Variants in HECW1 observed in about 807,000 individuals in gnomAD.
The protein encoded by HECW1 is HECT, C2 and WW domain containing E3 ubiquitin protein ligase 1, also known as E3 ubiquitin-protein ligase HECW1.
Under a neutral mutation model 182.3 loss-of-function variants are expected in HECW1, and 61 were observed. The observed-to-expected ratio is 0.33, with a 90% CI of 0.27 to 0.41. HECW1 has a LOEUF of 0.41. HECW1 is among the 10% of genes least tolerant of loss of function. HECW1 has a pLI of 1.00. For synonymous variants in HECW1, 859 were observed against 832.6 expected (o/e 1.03, Z -0.55); for missense variants, 1,739 against 2,108.9 (o/e 0.82, Z 3.44).
chr7:43,315,786 G>A (rs940453643), intron 4 of HECW1, among the ~76,000 whole-genome samples: 15 of 152,114 alleles, frequency 9.9e-5, no homozygotes, highest in African/African-American at 1.9e-4. Flanking sequence ...GATCCACCGC[G>A]CCTGGCCCTG....
chr7:43,452,370 T>G (rs2077262936), intron 12 of HECW1, among the ~76,000 whole-genome samples: 1 of 152,238 alleles, frequency 6.6e-6, no homozygotes, highest in South Asian at 2.1e-4. Context: ...ATAAATCCGT[T>G]GTAAAATAAT....
At chr7:43,495,302 G>A (rs991163031) in intron 19 of HECW1, among the ~76,000 whole-genome samples, 4 of 151,654 alleles carry the variant, frequency 2.6e-5, no homozygotes, top group South Asian at 2.1e-4. Flanking sequence ...GTGATGTTCC[G>A]CTCCCTGTGT....
intron 6 of HECW1, among the ~76,000 whole-genome samples, chr7:43,368,144 G>T (rs1425943252): frequency 3.3e-5 from 5 of 152,200 alleles, no homozygotes. Flanking sequence ...AAATCCCCAT[G>T]CTCATCAAGC....
chr7:43,450,626 G>A (rs747745031), intron 11 of HECW1, among the ~76,000 whole-genome samples: 26 of 152,202 alleles, frequency 1.7e-4, no homozygotes, highest in Admixed American at 3.3e-4. Flanking sequence ...TAGTTATGAA[G>A]TGTTTTGATT....
At chr7:43,497,843 G>A (rs1199430278) in intron 19 of HECW1, among the ~76,000 whole-genome samples, 3 of 152,020 alleles carry the variant, frequency 2.0e-5, no homozygotes, top group Non-Finnish European at 2.9e-5. Flanking sequence ...GGGAAAGAGT[G>A]GAGGAGGAAC....
intron 5 of HECW1, among the ~76,000 whole-genome samples, chr7:43,329,194 G>C (rs1584497572): frequency 6.6e-6 from 1 of 152,204 alleles, no homozygotes; most frequent in East Asian, 1.9e-4. Context: ...ACAGGGGTGG[G>C]AAGGGGTGAG....
rs201182663 is a variant in HECW1, at chr7:43,311,804, G to A, written c.69G>A (p.Ala23=). 86 of 1,614,024 alleles carry A rather than the reference G, an allele frequency of 5.3e-5. No individual in the cohort carries two copies. The highest frequency in any genetic ancestry group is 1.3e-4 in the Admixed American group (8 of 60,020). The part of the protein sequence containing the change: ...QNRFLGLAAM[A]SPSRNSQSRR... ...GGTTTTTAGGCCTGGCCGCCATGGC[G>A]TCTCCTTCTAGAAACTCCCAGAGCC... The change falls in exon 4 of 30, where the codon GCG becomes GCA. Residue 23 remains alanine, a synonymous_variant. Transcript: ENST00000395891.
At chr7:43,433,199 G>A (rs1055645837) in intron 8 of HECW1, among the ~76,000 whole-genome samples, 1 of 152,360 alleles carries the variant, frequency 6.6e-6, no homozygotes, top group African/African-American at 2.4e-5. Flanking sequence ...ACTCAGGTTT[G>A]AAGAATGCTT....
At chr7:43,420,712 G>A (rs755613725) in intron 8 of HECW1, among the ~76,000 whole-genome samples, 2 of 152,182 alleles carry the variant, frequency 1.3e-5, no homozygotes, top group Non-Finnish European at 2.9e-5. Context: ...ATTTACAGTA[G>A]CATCAAAAAC....
intron 24 of HECW1, chr7:43,511,205 A>G (rs749986866): frequency 2.6e-5 from 4 of 152,204 alleles, no homozygotes; most frequent in Admixed American, 6.5e-5. Flanking sequence ...TTGGCCCCGC[A>G]CTAAGCATGC....
At chr7:43,536,216 G>A (rs189095738) in intron 24 of HECW1, among the ~76,000 whole-genome samples, 1 of 152,298 alleles carries the variant, frequency 6.6e-6, no homozygotes, top group Admixed American at 6.5e-5. Flanking sequence ...CTAAATGGGT[G>A]GAAACACATC....
chr7:43,415,852 G>A (rs1168699684), intron 8 of HECW1, among the ~76,000 whole-genome samples: 1 of 135,818 alleles, frequency 7.4e-6, no homozygotes. Context: ...TCTTCACGTA[G>A]TTCTCGAGCC....
At chr7:43,154,932 C>T (rs904248730) in intron 2 of HECW1, among the ~76,000 whole-genome samples, 11 of 152,176 alleles carry the variant, frequency 7.2e-5, no homozygotes, top group Admixed American at 3.3e-4. Context: ...TGGAACATTA[C>T]TGAGACTGCT....
At chr7:43,223,356 G>A (rs185325548) in intron 2 of HECW1, among the ~76,000 whole-genome samples, 2 of 152,280 alleles carry the variant, frequency 1.3e-5, no homozygotes, top group Admixed American at 6.5e-5. Flanking sequence ...CATGGCTCAC[G>A]CCTGTAATCC....
Position 43,541,872 on chromosome 7 carries a change from C to G in HECW1, c.4122C>G (p.Pro1374=). 1 of 1,514,664 alleles carries G rather than the reference C, an allele frequency of 6.6e-7. No homozygotes were observed. The highest frequency in any genetic ancestry group is 8.8e-7 in the Non-Finnish European group (1 of 1,132,000). 93.8% of individuals were successfully genotyped at this position (1,514,664 alleles called of 1,614,324 possible). ...CTTTCTCACTGAATTCACCCAGGCC[C>G]TGTGATTTGAGTGACCTGGAATATT... ...RPFYKALLRL[P]CDLSDLEYLD... The change falls in exon 26 of 30, where the codon CCC becomes CCG. Residue 1374 remains proline (P), a synonymous_variant. Coordinates refer to ENST00000395891, the MANE Select transcript of HECW1 (RefSeq NM_015052.5).
Position 43,445,387 on chromosome 7 carries a change from G to A in HECW1, c.2215G>A (p.Glu739Lys). ...CACGGTCTTCTCCTCGCAAGACGACGAGGAGGAGGAGAACAGCGCGTTCGA... is the reference window on the plus strand; with the variant it reads ...CACGGTCTTCTCCTCGCAAGACGACAAGGAGGAGGAGAACAGCGCGTTCGA... ...ESTVFSSQDD[E>K]EEENSAFESV... The change falls in exon 11 of 30, where the codon GAG becomes AAG. Residue 739 changes from glutamate (E) to lysine (K), a missense_variant. This residue lies in a region of HECW1 where 971 missense variants were observed against 1,029.1 expected (regional missense o/e 0.94). Transcript: ENST00000395891. The A allele has an allele frequency of 3.1e-6, 5 of 1,613,560 alleles. No homozygotes were observed. Among genetic ancestry groups the A allele is most frequent in the Non-Finnish European group, 3.4e-6 (4 of 1,179,974 alleles).
intron 25 of HECW1, 40 bp from the exon 26 acceptor site, chr7:43,541,829 A>AT: frequency 7.1e-7 from 1 of 1,412,478 alleles, no homozygotes; most frequent in Non-Finnish European, 9.3e-7. Flanking sequence ...CTGGGCAGCC[A>AT]TTTGTTTGGT....
chr7:43,203,271 G>A (rs1193762289), intron 2 of HECW1, among the ~76,000 whole-genome samples: 1 of 152,156 alleles, frequency 6.6e-6, no homozygotes, highest in African/African-American at 2.4e-5. Flanking sequence ...ACAGGAAGTT[G>A]ATGTTCCCTA....
At position 43,445,895 on chromosome 7, in the gene HECW1, G is replaced by A. The variant is rs558687835; in HGVS notation, c.2398+325G>A. Among the ~76,000 whole-genome samples, 88 of 152,290 alleles carry A rather than the reference G, an allele frequency of 5.8e-4. 1 individual carries two copies. The highest frequency in any genetic ancestry group is 8.7e-4 in the Non-Finnish European group (59 of 68,030). On this transcript the variant is annotated intron_variant, in intron 11 of 29. Coordinates refer to ENST00000395891, the MANE Select transcript of HECW1 (RefSeq NM_015052.5). ...TGTACATGTTATCCTAGTCTTAACAGCAGCCAGAGCCCCAAGACTAGTATC... is the reference window on the plus strand; with the variant it reads ...TGTACATGTTATCCTAGTCTTAACAACAGCCAGAGCCCCAAGACTAGTATC...
Sources: allele counts gnomAD v4.1 joint callset (sites outside exome capture counted in the v4.1 genomes callset), GRCh38; gene constraint gnomAD v4.1.1; regional missense constraint gnomAD v4.1.1; transcripts MANE v1.5; gene names NCBI Gene and HGNC (gene_info 2026-07-23, HGNC 2026-07-21).